Variants in SUPT3H observed in about 807,000 individuals in gnomAD.
SUPT3H encodes the protein transcription initiation protein SPT3 homolog.
In SUPT3H, 44 loss-of-function variants were observed where a neutral mutation model predicts 44.3. That is an observed-to-expected ratio of 0.99 (90% CI 0.78 to 1.28). SUPT3H has a LOEUF of 1.28. SUPT3H is among the 50% of genes most tolerant of loss of function. The probability of loss-of-function intolerance (pLI) is 0.00; values close to 1 mark genes in which losing one functional copy is unlikely to be tolerated. For synonymous variants in SUPT3H, 124 were observed against 125.6 expected (o/e 0.99, Z 0.09); for missense variants, 380 against 387.1 (o/e 0.98, Z 0.15).
intron 11 of SUPT3H, among the ~76,000 whole-genome samples, chr6:44,817,166 G>A (rs1473856691): frequency 1.3e-5 from 2 of 150,028 alleles, no homozygotes; most frequent in African/African-American, 4.9e-5. Flanking sequence ...TGACCGAATT[G>A]CATTTATCCC....
At chr6:45,141,338 C>CAAAAAAAAA (rs1162738855) in intron 2 of SUPT3H, among the ~76,000 whole-genome samples, 38 of 45,268 alleles carry the variant, frequency 8.4e-4, no homozygotes, top group African/African-American at 1.6e-3. Flanking sequence ...GACTCCATCT[C>CAAAAAAAAA]AAAAAAAAAA....
At chr6:45,199,499 T>G (rs1166745622) in intron 2 of SUPT3H, among the ~76,000 whole-genome samples, 1 of 150,794 alleles carries the variant, frequency 6.6e-6, no homozygotes, top group Non-Finnish European at 1.5e-5. Context: ...AAAAAAAAAG[T>G]CATTTGTTTT....
intron 4 of SUPT3H, among the ~76,000 whole-genome samples, chr6:45,018,845 G>C (rs1337400984): frequency 6.6e-6 from 1 of 151,758 alleles, no homozygotes; most frequent in Middle Eastern, 3.4e-3. Flanking sequence ...TTGGTATCAG[G>C]ATGATGCTGG....
intron 6 of SUPT3H, among the ~76,000 whole-genome samples, chr6:44,970,251 T>C (rs1163216059): frequency 2.0e-5 from 3 of 152,152 alleles, no homozygotes; most frequent in African/African-American, 7.2e-5. Context: ...ATTTTTAATC[T>C]AAATTTATTA....
intron 2 of SUPT3H, among the ~76,000 whole-genome samples, chr6:45,106,636 A>C (rs879759456): frequency 4.6e-5 from 7 of 151,970 alleles, no homozygotes; most frequent in Admixed American, 6.6e-5. Context: ...TCCCGGGTTC[A>C]AGCAATTCTC....
rs1046161729 is a variant in SUPT3H at position 45,098,907 on chromosome 6, A to C, written c.186+7015T>G. 4 of 532,850 alleles carry C rather than the reference A, an allele frequency of 7.5e-6. No individual in the cohort carries two copies. In the African/African-American group the frequency reaches 7.7e-5, roughly 10 times the overall value. 33.0% of individuals were successfully genotyped at this position (532,850 alleles called of 1,614,324 possible). A position where few individuals can be genotyped will look rare whatever the true frequency, so the allele number is the denominator to read the frequency against. ...TTGTCAATGGCTGTAGACTCAACATAAAATGGGGAAGATCCCAAGCATCCA... is the reference window on the plus strand; with the variant it reads ...TTGTCAATGGCTGTAGACTCAACATCAAATGGGGAAGATCCCAAGCATCCA... On this transcript the variant is annotated intron_variant, in intron 3 of 10. Coordinates refer to ENST00000371459, the MANE Select transcript of SUPT3H (RefSeq NM_003599.4).
chr6:45,099,942 T>G (rs1405998206), intron 3 of SUPT3H, among the ~76,000 whole-genome samples: 1 of 152,110 alleles, frequency 6.6e-6, no homozygotes, highest in African/African-American at 2.4e-5. Flanking sequence ...CAGATAGGGA[T>G]TCCCACATAT....
In SUPT3H at chr6:45,095,481, A is replaced by G. The variant is rs1356462287; in HGVS notation, c.186+10441T>C. Among the ~76,000 whole-genome samples the G allele has an allele frequency of 2.0e-5, 3 of 152,118 alleles. No individual in the cohort carries two copies. Among genetic ancestry groups the G allele is most frequent in the Admixed American group, 6.6e-5 (1 of 15,266 alleles). Reference sequence around the variant, plus strand: ...TTTAATCCAGATCGGAGATTAAGCCATAACTCTTCACACTTATAAATTTGT... The same window carrying G: ...TTTAATCCAGATCGGAGATTAAGCCGTAACTCTTCACACTTATAAATTTGT... On this transcript the variant is annotated intron_variant, in intron 3 of 10. Transcript: ENST00000371459. The surrounding 1 kb of genome is among the most constrained non-coding windows in gnomAD (Gnocchi z 4.1).
chr6:45,272,461 G>A (rs1776343038), intron 2 of SUPT3H, among the ~76,000 whole-genome samples: 1 of 152,142 alleles, frequency 6.6e-6, no homozygotes, highest in African/African-American at 2.4e-5. Context: ...CCATAATTGT[G>A]AGGCTTCCCC....
chr6:45,319,051 C>T (rs962918114), intron 2 of SUPT3H, among the ~76,000 whole-genome samples: 1 of 152,058 alleles, frequency 6.6e-6, no homozygotes, highest in African/African-American at 2.4e-5. Context: ...TAAATTCCTA[C>T]ACTGATATCT....
At chr6:44,823,414 GC>G (rs1255744132), downstream of SUPT3H, among the ~76,000 whole-genome samples, 3 of 152,060 alleles carry the variant, frequency 2.0e-5, no homozygotes, top group Admixed American at 2.0e-4. Flanking sequence ...GATTGATTTT[GC>G]ATACTGCTAA....
At position 45,088,632 on chromosome 6, in the gene SUPT3H, C is replaced by T. The variant is rs542990837; in HGVS notation, c.186+17290G>A. On this transcript the variant is annotated intron_variant, in intron 3 of 10. Transcript: ENST00000371459. ...CTCCAAAAACATTCCAGTCTACAAG[C>T]ATTTACCAACTCATGGCTCACGAAC... is the stretch of plus-strand genomic sequence containing the variant. Among the ~76,000 whole-genome samples the T allele has an allele frequency of 2.0e-4, 31 of 152,128 alleles. 1 individual carries two copies. The South Asian group carries it at 6.2e-3, about 31-fold the overall frequency.
At chr6:44,903,634 G>C (rs1333034489) in intron 10 of SUPT3H, among the ~76,000 whole-genome samples, 3 of 152,206 alleles carry the variant, frequency 2.0e-5, no homozygotes, top group Middle Eastern at 3.4e-3. Flanking sequence ...CCTTCTGAAA[G>C]TATTCCAATC....
chr6:45,293,962 G>A (rs1308146070), intron 2 of SUPT3H, among the ~76,000 whole-genome samples: 1 of 151,956 alleles, frequency 6.6e-6, no homozygotes, highest in African/African-American at 2.4e-5. Flanking sequence ...AGAGAAAGAG[G>A]GAACCCTCCC....
intron 10 of SUPT3H, among the ~76,000 whole-genome samples, chr6:44,844,238 A>G (rs1464504615): frequency 6.6e-6 from 1 of 152,216 alleles, no homozygotes; most frequent in Non-Finnish European, 1.5e-5. Context: ...ATGTACAAAT[A>G]TTAACTGAAA....
chr6:45,171,770 T>G (rs575154897), intron 2 of SUPT3H, among the ~76,000 whole-genome samples: 39 of 121,770 alleles, frequency 3.2e-4, no homozygotes, highest in African/African-American at 1.2e-3. Flanking sequence ...CAGGCTGGAG[T>G]GCAGTGGTGT....
chr6:45,145,599 T>C (rs1218379223), intron 2 of SUPT3H, among the ~76,000 whole-genome samples: 1 of 152,102 alleles, frequency 6.6e-6, no homozygotes, highest in Non-Finnish European at 1.5e-5. Context: ...CTTCTAGACA[T>C]TGGCTTAGGG....
intron 11 of SUPT3H, among the ~76,000 whole-genome samples, chr6:44,815,059 T>G (rs2153403799): frequency 6.6e-6 from 1 of 152,284 alleles, no homozygotes; most frequent in Non-Finnish European, 1.5e-5. Flanking sequence ...CAAAGAAGTA[T>G]GTACTTTATG....
chr6:44,986,148 G>C (rs1421870075), intron 6 of SUPT3H, among the ~76,000 whole-genome samples: 1 of 152,070 alleles, frequency 6.6e-6, no homozygotes, highest in Non-Finnish European at 1.5e-5. Flanking sequence ...AACAAAACTC[G>C]AGAAGTTTCT....
Sources: allele counts gnomAD v4.1 joint callset (sites outside exome capture counted in the v4.1 genomes callset), GRCh38; gene constraint gnomAD v4.1.1; non-coding constraint Gnocchi (gnomAD v3.1); transcripts MANE v1.5; gene names NCBI Gene and HGNC (gene_info 2026-07-23, HGNC 2026-07-21).